The following DNAH3 variants were observed in gnomAD, a reference collection of about 807,000 sequenced individuals.
DNAH3 encodes axonemal beta dynein heavy chain 3.
DNAH3 carries 332 observed loss-of-function variants against 432.5 expected under a neutral mutation model. The ratio of observed to expected loss-of-function variants is 0.77; its 90% CI spans 0.70 to 0.84. DNAH3 has a LOEUF of 0.84. Ranked by LOEUF, DNAH3 falls within the 40% of genes least tolerant of loss-of-function variation. The pLI is 0.00. For synonymous variants in DNAH3, 1,956 were observed against 1,900.2 expected, an observed-to-expected ratio of 1.03 and a Z score of -0.76; for missense variants, 4,861 against 5,114.0, an observed-to-expected ratio of 0.95 and a Z score of 1.51.
intron 14 of DNAH3, among the ~76,000 whole-genome samples, chr16:21,111,035 C>T (rs1200017462): frequency 6.6e-6 from 1 of 151,936 alleles, no homozygotes; most frequent in Non-Finnish European, 1.5e-5. Flanking sequence ...TTAGAAAATT[C>T]GCCAGCCATG....
At chr16:21,022,014 G>A (rs1359809105) in exon 40 of DNAH3, 1 of 1,613,918 alleles carries the variant, frequency 6.2e-7, no homozygotes, top group African/African-American at 1.3e-5. Context: ...AGGCAAGGTG[G>A]ATGGGAGATG....
chr16:20,984,984 A>G, intron 48 of DNAH3, 65 bp downstream of exon 48: 1 of 1,360,570 alleles, frequency 7.3e-7, no homozygotes, highest in Non-Finnish European at 1.0e-6. Flanking sequence ...TGGCCTGCTC[A>G]GGGCACTCAG....
At chr16:21,130,976 C>A (rs893586782) in intron 7 of DNAH3, among the ~76,000 whole-genome samples, 1 of 152,152 alleles carries the variant, frequency 6.6e-6, no homozygotes, top group Non-Finnish European at 1.5e-5. Context: ...AAGCAGCAGT[C>A]TAAGCACTTT....
intron 14 of DNAH3, among the ~76,000 whole-genome samples, chr16:21,111,078 T>A (rs11862290): frequency 0.28 from 42,626 of 151,730 alleles, 6,097 homozygotes; most frequent in African/African-American, 0.33. Flanking sequence ...GCTACTCAGG[T>A]GGCTGAGGCA....
At chr16:20,934,967 G>A (rs192937191) in intron 61 of DNAH3, among the ~76,000 whole-genome samples, 362 of 152,160 alleles carry the variant, frequency 2.4e-3, no homozygotes, top group African/African-American at 8.4e-3. Flanking sequence ...CTCTATATAT[G>A]ACAGGCTGAT....
intron 21 of DNAH3, among the ~76,000 whole-genome samples, chr16:21,074,218 A>G (rs2090895823): frequency 1.3e-5 from 2 of 152,198 alleles, no homozygotes; most frequent in African/African-American, 4.8e-5. Context: ...AGTCACAAGT[A>G]GATAACATGC....
At chr16:20,975,370 T>C (rs1188674719) in exon 51 of DNAH3, 3 of 1,614,072 alleles carry the variant, frequency 1.9e-6, no homozygotes, top group African/African-American at 2.7e-5. Flanking sequence ...GAGGTGAGGA[T>C]GAGTTGAGGT....
At chr16:21,028,071 C>A (rs1051087229) in intron 37 of DNAH3, among the ~76,000 whole-genome samples, 1 of 152,166 alleles carries the variant, frequency 6.6e-6, no homozygotes, top group Admixed American at 6.6e-5. Flanking sequence ...ACTCCATCCT[C>A]GACCTTTGGG....
chr16:20,980,365 T>C (rs904847837), intron 49 of DNAH3, among the ~76,000 whole-genome samples: 5 of 140,634 alleles, frequency 3.6e-5, no homozygotes, highest in African/African-American at 1.3e-4. Flanking sequence ...TATATAAATA[T>C]ATATATATGT....
At chr16:21,056,171 C>T (rs1018688919) in intron 27 of DNAH3, among the ~76,000 whole-genome samples, 2 of 152,206 alleles carry the variant, frequency 1.3e-5, no homozygotes, top group Non-Finnish European at 2.9e-5. Context: ...ACCGAAGTGT[C>T]TTCCTGCTGG....
chr16:21,049,722 T>A, intron 30 of DNAH3, 40 bp from the exon 31 acceptor site: 1 of 1,566,668 alleles, frequency 6.4e-7, no homozygotes, highest in South Asian at 1.1e-5. Flanking sequence ...CAGGGTGGAT[T>A]CCATCCCATC....
In DNAH3 at chr16:21,146,196, T is replaced by C. The variant is rs60864257; in HGVS notation, c.118-108A>G. 3,916 of 666,228 alleles carry C rather than the reference T, an allele frequency of 5.9e-3. 123 individuals are homozygous for C. The African/African-American group carries it at 0.062, about 11-fold the overall frequency. 41.3% of individuals were successfully genotyped at this position (666,228 alleles called of 1,614,324 possible). ...CCCAGGAAAAGTTTTAGGTCCAGAG[T>C]TCTGGACCTAAAACAAAACACTCCT... On this transcript the variant is annotated intron_variant, in intron 1 of 61. Coordinates refer to ENST00000261383, the Ensembl canonical transcript of DNAH3.
At chr16:20,981,384 G>C (rs1302611974) in intron 49 of DNAH3, among the ~76,000 whole-genome samples, 3 of 152,084 alleles carry the variant, frequency 2.0e-5, no homozygotes, top group Non-Finnish European at 2.9e-5. Context: ...GGAATTTAAG[G>C]CCATTGACAC....
exon 59 of DNAH3, chr16:20,941,473 A>G (rs748579635): frequency 1.2e-6 from 2 of 1,614,144 alleles, no homozygotes; most frequent in Admixed American, 1.7e-5. Flanking sequence ...GTACAACTTC[A>G]TGACCTCTTC....
chr16:21,125,728 C>T (rs571786312), intron 8 of DNAH3, among the ~76,000 whole-genome samples: 67 of 152,278 alleles, frequency 4.4e-4, no homozygotes, highest in African/African-American at 1.5e-3. Context: ...CTAGCAGATG[C>T]CTGGTCTCTG....
chr16:20,963,794 A>T (rs2084928126), exon 53 of DNAH3: 1 of 1,613,932 alleles, frequency 6.2e-7, no homozygotes, highest in Non-Finnish European at 8.5e-7. Flanking sequence ...TCAAACAGAG[A>T]ACGGCACACG....
Position 21,049,949 on chromosome 16 carries a change from T to TG in DNAH3, c.4307dup (p.Glu1437ArgfsTer12). On this transcript the variant is annotated frameshift_variant, in exon 30 of 62. Coordinates refer to ENST00000261383, the Ensembl canonical transcript of DNAH3. LOFTEE classifies it high-confidence loss of function. ...CTTTGGCCAAATCTTTGGTGGTTTC[T>TG]GTCTTGCCAGTCCCAGCTGGACCCT... The TG allele has an allele frequency of 6.2e-7, 1 of 1,614,240 alleles. No homozygotes were observed. The highest frequency in any genetic ancestry group is 8.5e-7 in the Non-Finnish European group (1 of 1,180,042).
chr16:21,008,704 C>T (rs932509024), intron 41 of DNAH3, among the ~76,000 whole-genome samples: 2 of 152,118 alleles, frequency 1.3e-5, no homozygotes, highest in African/African-American at 4.8e-5. Flanking sequence ...TTGGTGATTT[C>T]CAGCGAGAAC....
At chr16:20,933,323 T>G in exon 62 of DNAH3, 4 of 1,614,194 alleles carry the variant, frequency 2.5e-6, no homozygotes, top group Non-Finnish European at 3.4e-6. Flanking sequence ...GATGTCCTGA[T>G]GCAGAAACAT....
Sources: allele counts gnomAD v4.1 joint callset (sites outside exome capture counted in the v4.1 genomes callset), GRCh38; gene constraint gnomAD v4.1.1; transcripts MANE v1.5; gene names NCBI Gene and HGNC (gene_info 2026-07-23, HGNC 2026-07-21).